DUSP16: variants seen among roughly 807,000 people sequenced by gnomAD.
DUSP16 encodes dual specificity phosphatase 16.
DUSP16 carries 21 observed loss-of-function variants against 58.3 expected under a neutral mutation model. The ratio of observed to expected loss-of-function variants is 0.36; its 90% confidence interval spans 0.26 to 0.52. DUSP16 has a LOEUF of 0.52. DUSP16 is among the 20% of genes least tolerant of loss of function. DUSP16 has a pLI of 0.94. For synonymous variants in DUSP16, 320 were observed against 323.8 expected, an observed-to-expected ratio of 0.99 and a Z score of 0.12; for missense variants, 726 against 819.0, an observed-to-expected ratio of 0.89 and a Z score of 1.39.
chr12:12,522,726 G>T (rs1203707469), intron 1 of DUSP16, among the ~76,000 whole-genome samples: 1 of 151,920 alleles, frequency 6.6e-6, no homozygotes, highest in Admixed American at 6.6e-5. Flanking sequence ...ACCACACCCA[G>T]CTAATTTTTG....
At chr12:12,533,550 C>T (rs1242987288) in intron 1 of DUSP16, among the ~76,000 whole-genome samples, 1 of 152,208 alleles carries the variant, frequency 6.6e-6, no homozygotes, top group Admixed American at 6.5e-5. Flanking sequence ...TCAGCTTCAA[C>T]AGCAAAAGCA....
chr12:12,499,065 A>C (rs2136210596), intron 4 of DUSP16, among the ~76,000 whole-genome samples: 1 of 152,346 alleles, frequency 6.6e-6, no homozygotes, highest in South Asian at 2.1e-4. Context: ...AATCTGAAAA[A>C]GGTATACAGC....
At chr12:12,500,978 T>A (rs956377298) in intron 3 of DUSP16, among the ~76,000 whole-genome samples, 5 of 152,144 alleles carry the variant, frequency 3.3e-5, no homozygotes, top group Admixed American at 2.0e-4. Flanking sequence ...CCACTCCCCA[T>A]GCAAATGTTT....
intron 1 of DUSP16, among the ~76,000 whole-genome samples, chr12:12,551,657 C>T (rs1483225604): frequency 6.6e-6 from 1 of 151,342 alleles, no homozygotes; most frequent in Non-Finnish European, 1.5e-5. Context: ...ATCAAATGTG[C>T]CAACATTTCA....
At chr12:12,510,537 G>C (rs887365134) in intron 3 of DUSP16, among the ~76,000 whole-genome samples, 1 of 152,166 alleles carries the variant, frequency 6.6e-6, no homozygotes, top group Non-Finnish European at 1.5e-5. Context: ...AGACGTCATA[G>C]AGCAGTGAGG....
chr12:12,502,796 C>T (rs1441767588), intron 3 of DUSP16, among the ~76,000 whole-genome samples: 2 of 152,098 alleles, frequency 1.3e-5, no homozygotes, highest in Non-Finnish European at 2.9e-5. Flanking sequence ...GGTGATCCAC[C>T]TGCCTTGGCC....
chr12:12,528,539 G>C (rs1179462007), intron 1 of DUSP16, among the ~76,000 whole-genome samples: 3 of 152,130 alleles, frequency 2.0e-5, no homozygotes, highest in African/African-American at 7.2e-5. Context: ...GTGCATCCTG[G>C]TTTTCTTGAA....
intron 1 of DUSP16, among the ~76,000 whole-genome samples, chr12:12,532,743 T>G (rs1382003935): frequency 6.6e-6 from 1 of 152,042 alleles, no homozygotes; most frequent in Non-Finnish European, 1.5e-5. Context: ...AGGTCAAGAA[T>G]TCGAGAACTA....
chr12:12,524,390 C>T (rs1357110720), intron 1 of DUSP16, among the ~76,000 whole-genome samples: 1 of 152,128 alleles, frequency 6.6e-6, no homozygotes, highest in Non-Finnish European at 1.5e-5. Flanking sequence ...CTCTGTAGTG[C>T]TAAATGGGTG....
intron 1 of DUSP16, among the ~76,000 whole-genome samples, chr12:12,547,170 T>G (rs1226861356): frequency 6.6e-6 from 1 of 152,330 alleles, no homozygotes; most frequent in South Asian, 2.1e-4. Context: ...GGCTCATGCC[T>G]GTAATCCCAG....
chr12:12,562,373 C>T lies in DUSP16; in HGVS notation c.-622G>A, dbSNP rs907287939. 2.0e-5 allele frequency: 3 copies of T among 151,648 alleles called. No individual in the cohort carries two copies. The highest frequency in any genetic ancestry group is 4.9e-5 in the African/African-American group (2 of 41,202). 9.4% of individuals were successfully genotyped at this position (151,648 alleles called of 1,614,324 possible). On this transcript the variant is annotated 5_prime_UTR_variant, in exon 1 of 7. Transcript: ENST00000298573. Reference sequence around the variant, plus strand: ...GAGACGCTCGCAACTTTTCTTCACTCTTTCTCTTCCACCCTCCCCCCCATC... The same window carrying T: ...GAGACGCTCGCAACTTTTCTTCACTTTTTCTCTTCCACCCTCCCCCCCATC...
chr12:12,483,173 G>A (rs758371823), intron 5 of DUSP16, among the ~76,000 whole-genome samples: 80 of 152,212 alleles, frequency 5.3e-4, no homozygotes, highest in Non-Finnish European at 7.5e-4. Flanking sequence ...AAATGAAAAG[G>A]GCAAAGATGC....
At chr12:12,486,269 CT>C (rs1218431964) in intron 5 of DUSP16, among the ~76,000 whole-genome samples, 1 of 152,110 alleles carries the variant, frequency 6.6e-6, no homozygotes, top group African/African-American at 2.4e-5. Context: ...AGTGTTTCTC[CT>C]CTGCTCAGCC....
At chr12:12,530,455 T>C (rs901308689) in intron 1 of DUSP16, among the ~76,000 whole-genome samples, 13 of 152,240 alleles carry the variant, frequency 8.5e-5, no homozygotes, top group African/African-American at 3.1e-4. Context: ...ATTCTGTAGG[T>C]TGTCTCTTCA....
At chr12:12,535,201 G>A (rs981149408) in intron 1 of DUSP16, among the ~76,000 whole-genome samples, 2 of 152,182 alleles carry the variant, frequency 1.3e-5, no homozygotes, top group Admixed American at 6.5e-5. Context: ...CAGCCTCGGT[G>A]AGCTGTTAGT....
intron 4 of DUSP16, among the ~76,000 whole-genome samples, chr12:12,492,638 C>T (rs973530022): frequency 2.0e-5 from 3 of 151,978 alleles, no homozygotes; most frequent in African/African-American, 7.3e-5. Context: ...CAGCCATTAC[C>T]CCATATCTTT....
intron 5 of DUSP16, among the ~76,000 whole-genome samples, chr12:12,485,914 CT>C (rs1247057191): frequency 1.3e-5 from 2 of 151,478 alleles, no homozygotes; most frequent in Non-Finnish European, 2.9e-5. Context: ...CTGCCTCAGC[CT>C]CCCGAGCAGC....
chr12:12,501,421 T>C lies in DUSP16; in HGVS notation c.368-739A>G, dbSNP rs1029439114. Among the ~76,000 whole-genome samples the C allele has an allele frequency of 7.9e-5, 12 of 152,332 alleles. No homozygotes were observed. In the East Asian group the frequency reaches 1.9e-3, roughly 24 times the overall value. ...TTTTCTAGTCCTGTCCTTACAATGA[T>C]CTGCTCTATGACCTTCACTAAGTCA... On this transcript the variant is annotated intron_variant, in intron 3 of 6. Coordinates refer to ENST00000298573, the MANE Select transcript of DUSP16 (RefSeq NM_030640.3).
At chr12:12,555,976 G>A (rs1944799680) in intron 1 of DUSP16, among the ~76,000 whole-genome samples, 1 of 152,208 alleles carries the variant, frequency 6.6e-6, no homozygotes, top group Non-Finnish European at 1.5e-5. Flanking sequence ...AGGAAGTCAA[G>A]GATGTAGTGA....
Sources: gnomAD v4.1 joint callset for allele counts (sites outside exome capture counted in the v4.1 genomes callset) on GRCh38, gnomAD v4.1.1 for gene constraint, MANE v1.5 for transcripts, NCBI Gene and HGNC (gene_info 2026-07-23, HGNC 2026-07-21) for gene names.